GRIA3: variants seen among roughly 807,000 people sequenced by gnomAD.
GRIA3 encodes the protein glutamate receptor 3.
GRIA3 carries 3 observed loss-of-function variants against 63.0 expected under a neutral mutation model. That is an observed-to-expected ratio of 0.05 (90% CI 0.02 to 0.12). The LOEUF (loss-of-function observed/expected upper bound fraction) is 0.12. GRIA3 is among the 10% of genes least tolerant of loss of function. The probability of loss-of-function intolerance (pLI) is 1.00; values close to 1 mark genes in which losing one functional copy is unlikely to be tolerated. For synonymous variants in GRIA3, 274 were observed against 257.9 expected, an observed-to-expected ratio of 1.06 and a Z score of -0.60; for missense variants, 347 against 700.9, an observed-to-expected ratio of 0.50 and a Z score of 5.70.
At chrX:123,423,557 C>T in intron 11 of GRIA3, among the ~76,000 whole-genome samples, 1 of 112,042 alleles carries the variant, frequency 8.9e-6, no homozygotes. Context: ...AGTTTTCAGT[C>T]TTTGGGACAT....
intron 13 of GRIA3, among the ~76,000 whole-genome samples, chrX:123,478,632 T>G (rs1241746445): frequency 3.6e-5 from 4 of 112,451 alleles, no homozygotes; most frequent in Non-Finnish European, 7.5e-5. Flanking sequence ...AAATAGGTTT[T>G]GGGACTTTGT....
chrX:123,187,720 C>A (rs1927317654), intron 2 of GRIA3, among the ~76,000 whole-genome samples: 1 of 112,001 alleles, frequency 8.9e-6, no homozygotes, highest in Non-Finnish European at 1.9e-5. Context: ...CATTTGGTTT[C>A]TCAGAAATGA....
chrX:123,390,901 G>C (rs1455522338), intron 5 of GRIA3, among the ~76,000 whole-genome samples: 1 of 109,902 alleles, frequency 9.1e-6, no homozygotes, highest in Non-Finnish European at 1.9e-5. Context: ...TATTTCTTCT[G>C]CTTGATCTAG....
intron 2 of GRIA3, among the ~76,000 whole-genome samples, chrX:123,221,393 T>C (rs1453220729): frequency 1.8e-5 from 2 of 112,282 alleles, no homozygotes; most frequent in East Asian, 5.6e-4. Context: ...ATATTGGGCT[T>C]AAGGTAGCAG....
intron 2 of GRIA3, among the ~76,000 whole-genome samples, chrX:123,248,575 C>T (rs2044371805): frequency 9.0e-6 from 1 of 111,133 alleles, no homozygotes; most frequent in African/African-American, 3.3e-5. Flanking sequence ...CACCTGAGGT[C>T]GGGAGTTCGA....
At chrX:123,362,915 G>T (rs2045186304) in intron 5 of GRIA3, among the ~76,000 whole-genome samples, 1 of 112,790 alleles carries the variant, frequency 8.9e-6, no homozygotes, top group Admixed American at 9.3e-5. Flanking sequence ...ATGTTTGTTG[G>T]TCAGACTAGA....
chrX:123,273,073 G>A (rs747834464), intron 3 of GRIA3, among the ~76,000 whole-genome samples: 3 of 111,768 alleles, frequency 2.7e-5, no homozygotes, highest in Admixed American at 1.9e-4. Context: ...AGGATCAGTC[G>A]TTGGCAAAAT....
At chrX:123,357,946 A>G (rs999448677) in intron 5 of GRIA3, among the ~76,000 whole-genome samples, 2 of 110,939 alleles carry the variant, frequency 1.8e-5, no homozygotes, top group Non-Finnish European at 3.8e-5. Flanking sequence ...TGGGTAATAG[A>G]GATAGGAGCT....
chrX:123,290,113 G>T (rs1403291832), intron 3 of GRIA3, among the ~76,000 whole-genome samples: 1 of 110,813 alleles, frequency 9.0e-6, no homozygotes, highest in Non-Finnish European at 1.9e-5. Context: ...AAATAACCGA[G>T]AGCAACATTA....
intron 12 of GRIA3, among the ~76,000 whole-genome samples, chrX:123,428,663 G>T (rs1431765745): frequency 3.6e-5 from 4 of 111,745 alleles, no homozygotes; most frequent in Non-Finnish European, 7.5e-5. Flanking sequence ...TGTGTACATG[G>T]TGATAATTTC....
In GRIA3 at chrX:123,240,464, C is replaced by T. The variant is rs563995614; in HGVS notation, c.269-12839C>T. The stretch of plus-strand genomic sequence containing the variant: ...GTGAACTGTTTTGAGTACACCAATC[C>T]TGGGTATTGTGAAGATGGCTTTTCA... On this transcript the variant is annotated intron_variant, in intron 2 of 15. Transcript: ENST00000620443. Among the ~76,000 whole-genome samples, 8 of 111,582 alleles carry T rather than the reference C, an allele frequency of 7.2e-5. No homozygotes were observed. The South Asian group carries it at 3.0e-3, about 42-fold the overall frequency.
intron 4 of GRIA3, among the ~76,000 whole-genome samples, chrX:123,337,546 A>G (rs1436161911): frequency 8.9e-6 from 1 of 111,784 alleles, no homozygotes. Context: ...CGGATTTGCA[A>G]ATCAGAACCT....
At chrX:123,271,332 C>T (rs1024769664) in intron 3 of GRIA3, among the ~76,000 whole-genome samples, 2 of 111,814 alleles carry the variant, frequency 1.8e-5, no homozygotes, top group African/African-American at 3.2e-5. Flanking sequence ...AAGCACTTTC[C>T]CCATGTCTTT....
chrX:123,272,675 T>C (rs1412765453), intron 3 of GRIA3, among the ~76,000 whole-genome samples: 1 of 112,089 alleles, frequency 8.9e-6, no homozygotes, highest in Non-Finnish European at 1.9e-5. Context: ...CAAGACCTCT[T>C]GAGATGCTGT....
intron 5 of GRIA3, chrX:123,361,111 C>T (rs2227098): frequency 0.43 from 46,706 of 109,420 alleles, 7,319 homozygotes; most frequent in Middle Eastern, 0.59. Flanking sequence ...CTCTGCAGCT[C>T]ACCAGATCTC....
chrX:123,344,739 C>T (rs1440373675), intron 4 of GRIA3, among the ~76,000 whole-genome samples: 2 of 111,390 alleles, frequency 1.8e-5, no homozygotes, highest in Non-Finnish European at 3.8e-5. Context: ...CCTCATGCTG[C>T]TCCCTGCCTA....
At chrX:123,225,705 C>T (rs1378112259) in intron 2 of GRIA3, among the ~76,000 whole-genome samples, 1 of 111,689 alleles carries the variant, frequency 9.0e-6, no homozygotes, top group Non-Finnish European at 1.9e-5. Context: ...TTATTTAATA[C>T]ACCAAGCAAT....
chrX:123,218,292 C>T (rs1928209096), intron 2 of GRIA3, among the ~76,000 whole-genome samples: 1 of 111,345 alleles, frequency 9.0e-6, no homozygotes, highest in Admixed American at 9.5e-5. Context: ...GGTTATCCAG[C>T]TTATTAGAGG....
In GRIA3 at chrX:123,227,499, T is replaced by A. The variant is rs541189989; in HGVS notation, c.269-25804T>A. Among the ~76,000 whole-genome samples the A allele has an allele frequency of 2.1e-4, 24 of 111,983 alleles. No homozygotes were observed. In the South Asian group the frequency reaches 9.1e-3, roughly 42 times the overall value. ...CAGCAAGAAGGGTGGCCAGCAAGTG[T>A]TGATAAGTCAGTCAGCAATTACTTA... On this transcript the variant is annotated intron_variant, in intron 2 of 15. Coordinates refer to ENST00000620443, the MANE Select transcript of GRIA3 (RefSeq NM_007325.5).
Sources: gnomAD v4.1 joint callset for allele counts (sites outside exome capture counted in the v4.1 genomes callset) on GRCh38, gnomAD v4.1.1 for gene constraint, MANE v1.5 for transcripts, NCBI Gene and HGNC (gene_info 2026-07-23, HGNC 2026-07-21) for gene names.